Variants in CDH20 observed in about 807,000 individuals in gnomAD.
CDH20 encodes the protein cadherin-20.
In CDH20, 29 loss-of-function variants were observed where a neutral mutation model predicts 74.2. That is an observed-to-expected ratio of 0.39 (90% CI 0.29 to 0.53). CDH20 has a LOEUF of 0.53. CDH20 is among the 20% of genes least tolerant of loss of function. CDH20 has a pLI of 0.69. For synonymous variants in CDH20, 469 were observed against 405.4 expected, an observed-to-expected ratio of 1.16 and a Z score of -1.88; for missense variants, 988 against 1,048.3, an observed-to-expected ratio of 0.94 and a Z score of 0.79.
intron 9 of CDH20, among the ~76,000 whole-genome samples, chr18:61,544,813 C>G (rs1235867838): frequency 1.3e-5 from 2 of 152,148 alleles, no homozygotes; most frequent in East Asian, 3.8e-4. Flanking sequence ...TTCCTATTCT[C>G]ACTTAGATCC....
chr18:61,385,923 T>C (rs940926130), intron 1 of CDH20, among the ~76,000 whole-genome samples: 19 of 148,524 alleles, frequency 1.3e-4, no homozygotes, highest in African/African-American at 4.2e-4. Context: ...AAGTGAGACT[T>C]TGTCTCAAAA....
At chr18:61,339,237 T>TA (rs1406835362) in intron 1 of CDH20, among the ~76,000 whole-genome samples, 1 of 152,032 alleles carries the variant, frequency 6.6e-6, no homozygotes, top group Non-Finnish European at 1.5e-5. Context: ...TATCTCTTTA[T>TA]AAAAAAAGTG....
chr18:61,453,752 G>A (rs1909477243), intron 1 of CDH20, among the ~76,000 whole-genome samples: 1 of 152,164 alleles, frequency 6.6e-6, no homozygotes, highest in South Asian at 2.1e-4. Context: ...GGCATTATTA[G>A]TAAAGCTGAT....
intron 10 of CDH20, 188 bp from the exon 11 acceptor site, chr18:61,549,790 G>A (rs1782764949): frequency 1.6e-6 from 1 of 613,294 alleles, no homozygotes; most frequent in Non-Finnish European, 2.8e-6. Context: ...TTGCCTAAAA[G>A]CAAGCAAAAA....
At chr18:61,447,491 C>T (rs1003963481) in intron 1 of CDH20, among the ~76,000 whole-genome samples, 6 of 152,114 alleles carry the variant, frequency 3.9e-5, no homozygotes, top group Admixed American at 6.6e-5. Context: ...AAGAGATTGG[C>T]GACGAGCAGC....
Position 61,383,846 on chromosome 18 carries a change from T to A in CDH20, c.-153+50019T>A, listed in dbSNP as rs184506712. Among the ~76,000 whole-genome samples the A allele has an allele frequency of 7.1e-4, 108 of 152,240 alleles. 2 individuals carry two copies. Among genetic ancestry groups the A allele is most frequent in the African/African-American group, 2.5e-3 (105 of 41,550 alleles). ...AGCACAGCCATGGTGAGGCTCAGCC[T>A]CAGTGGAAGTTTCTAGGATGGGGAG... On this transcript the variant is annotated intron_variant, in intron 1 of 11. Transcript: ENST00000262717.
chr18:61,485,143 A>C (rs1475859195), intron 1 of CDH20, among the ~76,000 whole-genome samples: 3 of 152,042 alleles, frequency 2.0e-5, no homozygotes, highest in Non-Finnish European at 2.9e-5. Flanking sequence ...TTTCCAAGAA[A>C]TCTCCAAGGA....
intron 1 of CDH20, among the ~76,000 whole-genome samples, chr18:61,420,922 G>A (rs913393342): frequency 3.9e-5 from 6 of 152,040 alleles, no homozygotes; most frequent in South Asian, 2.1e-4. Context: ...GGCGTGTGGC[G>A]TGCCTGTAAT....
intron 4 of CDH20, among the ~76,000 whole-genome samples, chr18:61,501,765 A>T (rs978677186): frequency 6.6e-6 from 1 of 152,194 alleles, no homozygotes; most frequent in African/African-American, 2.4e-5. Flanking sequence ...TAACAATTCT[A>T]CTAAGGGCAA....
chr18:61,482,534 C>T (rs1055286910), intron 1 of CDH20, among the ~76,000 whole-genome samples: 3 of 152,242 alleles, frequency 2.0e-5, no homozygotes, highest in Admixed American at 6.5e-5. Context: ...CCCACCTTCT[C>T]TCCAGAAACA....
chr18:61,449,788 A>C (rs1451949537), intron 1 of CDH20, among the ~76,000 whole-genome samples: 1 of 151,990 alleles, frequency 6.6e-6, no homozygotes, highest in Non-Finnish European at 1.5e-5. Context: ...ACACACACAC[A>C]TACATATGCA....
chr18:61,413,968 C>T (rs1280579423), intron 1 of CDH20, among the ~76,000 whole-genome samples: 1 of 152,142 alleles, frequency 6.6e-6, no homozygotes, highest in African/African-American at 2.4e-5. Flanking sequence ...TAATACACCT[C>T]AGTAGGTCAA....
intron 1 of CDH20, among the ~76,000 whole-genome samples, chr18:61,489,886 C>T (rs1599120337): frequency 6.6e-6 from 1 of 152,042 alleles, no homozygotes; most frequent in East Asian, 1.9e-4. Flanking sequence ...TCCAAGATTT[C>T]TAGCATTATC....
chr18:61,554,747 C>T lies in CDH20; in HGVS notation c.*52C>T, dbSNP rs765860301. On this transcript the variant is annotated 3_prime_UTR_variant, in exon 12 of 12. Transcript: ENST00000262717. ...CAAATCCAGACGTTCTCCGCGGGTG[C>T]TTCGCGGACAAGGTGCAGCCAACCA... 3.4e-6 allele frequency: 5 copies of T among 1,484,116 alleles called. No individual in the cohort carries two copies. The highest frequency in any genetic ancestry group is 4.5e-6 in the Non-Finnish European group (5 of 1,117,092). 91.9% of individuals were successfully genotyped at this position (1,484,116 alleles called of 1,614,324 possible).
intron 6 of CDH20, among the ~76,000 whole-genome samples, chr18:61,509,887 G>A (rs940222572): frequency 3.3e-5 from 5 of 152,158 alleles, no homozygotes; most frequent in East Asian, 1.9e-4. Context: ...TCCTAAAAAC[G>A]TGGATGAGGA....
chr18:61,537,027 T>C (rs1912838749), intron 8 of CDH20, among the ~76,000 whole-genome samples: 1 of 152,166 alleles, frequency 6.6e-6, no homozygotes. Flanking sequence ...AACATATACA[T>C]ATCCATGCCC....
rs1912505682 is a variant in CDH20, at chr18:61,528,180, A to T, written c.1231A>T (p.Ile411Phe). Reference sequence around the variant, plus strand: ...GGCGATTGGAACAACCATACAGATCATTTCTGCCAAGGACCCAGATGTGAC... The same window carrying T: ...GGCGATTGGAACAACCATACAGATCTTTTCTGCCAAGGACCCAGATGTGAC... ...DVAIGTTIQIISAKDPDVTNN... is the reference protein window; with the variant it reads ...DVAIGTTIQIFSAKDPDVTNN... Residue 411 changes from isoleucine (I) to phenylalanine (F), a missense_variant, in exon 7 of 12, where the codon ATT (isoleucine) becomes TTT (phenylalanine). Around this residue, in one of 2 missense-constraint regions of CDH20, gnomAD observed 613 missense variants for 755.2 expected, o/e 0.81. Coordinates refer to ENST00000262717, the MANE Select transcript of CDH20 (RefSeq NM_031891.4). 1 of 1,613,918 alleles carries T rather than the reference A, an allele frequency of 6.2e-7. No individual in the cohort carries two copies. Among genetic ancestry groups the T allele is most frequent in the Non-Finnish European group, 8.5e-7 (1 of 1,180,020 alleles).
chr18:61,450,719 A>T lies in CDH20; in HGVS notation c.-152-39683A>T, dbSNP rs148684153. Among the ~76,000 whole-genome samples, 723 of 152,180 alleles carry T rather than the reference A, an allele frequency of 4.8e-3. 6 individuals carry two copies. Among genetic ancestry groups the T allele is most frequent in the African/African-American group, 0.017 (693 of 41,564 alleles). ...GAGATATAATTTTTTACAAAATGAG[A>T]TCATACTATACGTACTCTTAAAGCC... is the stretch of plus-strand genomic sequence containing the variant. On this transcript the variant is annotated intron_variant, in intron 1 of 11. Coordinates refer to ENST00000262717, the MANE Select transcript of CDH20 (RefSeq NM_031891.4).
At chr18:61,436,060 T>A (rs1908824254) in intron 1 of CDH20, among the ~76,000 whole-genome samples, 1 of 152,188 alleles carries the variant, frequency 6.6e-6, no homozygotes, top group African/African-American at 2.4e-5. Flanking sequence ...CTTAACGTAA[T>A]GTTTTCAAGG....
Sources: gnomAD v4.1 joint callset for allele counts (sites outside exome capture counted in the v4.1 genomes callset) on GRCh38, gnomAD v4.1.1 for gene constraint, gnomAD v4.1.1 regional missense constraint, MANE v1.5 for transcripts, NCBI Gene and HGNC (gene_info 2026-07-23, HGNC 2026-07-21) for gene names.